The following MCF2L2 variants were observed in gnomAD, a reference collection of about 807,000 sequenced individuals.
MCF2L2 encodes the protein probable guanine nucleotide exchange factor MCF2L2.
MCF2L2 carries 102 observed loss-of-function variants against 150.2 expected under a neutral mutation model. That is an observed-to-expected ratio of 0.68 (90% CI 0.58 to 0.80). MCF2L2 has a LOEUF of 0.80. Among genes scored for constraint, MCF2L2 ranks in the 30% least tolerant of loss-of-function variants. The probability of loss-of-function intolerance (pLI) is 0.00; values close to 1 mark genes in which losing one functional copy is unlikely to be tolerated. For synonymous variants in MCF2L2, 465 were observed against 491.3 expected (o/e 0.95, Z 0.71); for missense variants, 1,256 against 1,372.8 (o/e 0.91, Z 1.34).
chr3:183,278,536 T>C (rs1301735878), intron 14 of MCF2L2, among the ~76,000 whole-genome samples: 2 of 152,202 alleles, frequency 1.3e-5, no homozygotes, highest in African/African-American at 4.8e-5. Flanking sequence ...CCTTTTGCAG[T>C]TTCTCATCTA....
intron 17 of MCF2L2, among the ~76,000 whole-genome samples, chr3:183,228,974 A>T: frequency 6.6e-6 from 1 of 152,176 alleles, no homozygotes; most frequent in East Asian, 1.9e-4. Flanking sequence ...GGGGAAATCA[A>T]CAGAAATGGG....
chr3:183,216,137 T>A (rs772201612), intron 21 of MCF2L2, 43 bp from the exon 22 acceptor site: 1 of 1,603,614 alleles, frequency 6.2e-7, no homozygotes, highest in East Asian at 2.2e-5. Context: ...AAGTATACCA[T>A]CTGCAAAGTG....
chr3:183,364,581 T>C (rs1419906904), intron 3 of MCF2L2, among the ~76,000 whole-genome samples: 2 of 151,858 alleles, frequency 1.3e-5, no homozygotes, highest in Non-Finnish European at 2.9e-5. Context: ...GAAAAACCAA[T>C]AGATCTAATT....
chr3:183,179,151 C>T lies in MCF2L2; in HGVS notation c.*229G>A. On this transcript the variant is annotated 3_prime_UTR_variant, in exon 30 of 30. Transcript: ENST00000328913. The surrounding 1 kb of genome is among the most constrained non-coding windows in gnomAD (Gnocchi z 4.2). ...GAGAAGGCGTGGGCTGCGGGCTCTG[C>T]TCGCCTCTGCAGGCGCCTTAGAGCA... 6.6e-6 allele frequency: 3 copies of T among 453,870 alleles called. No homozygotes were observed. The highest frequency in any genetic ancestry group is 8.8e-5 in the Admixed American group (2 of 22,616). The allele number at this position is 453,870 out of a possible 1,614,324, so 28.1% of individuals were successfully genotyped here. A position where few individuals can be genotyped will look rare whatever the true frequency, so the allele number is the denominator to read the frequency against.
chr3:183,343,080 T>C (rs1442838259), intron 3 of MCF2L2, among the ~76,000 whole-genome samples: 1 of 152,174 alleles, frequency 6.6e-6, no homozygotes, highest in Non-Finnish European at 1.5e-5. Context: ...GAATGTATTG[T>C]CATTAGATAT....
chr3:183,392,409 G>A (rs1179818916), intron 1 of MCF2L2, among the ~76,000 whole-genome samples: 4 of 152,156 alleles, frequency 2.6e-5, no homozygotes, highest in South Asian at 2.1e-4. Flanking sequence ...GCTGACTAGT[G>A]TCATGGGAAT....
intron 14 of MCF2L2, among the ~76,000 whole-genome samples, chr3:183,281,360 A>G (rs1014910901): frequency 7.6e-6 from 1 of 131,746 alleles, no homozygotes; most frequent in South Asian, 2.3e-4. Context: ...GGGGAACCTC[A>G]CCTTTTTTTT....
At chr3:183,331,147 G>C (rs967328177) in intron 5 of MCF2L2, among the ~76,000 whole-genome samples, 1 of 152,154 alleles carries the variant, frequency 6.6e-6, no homozygotes, top group African/African-American at 2.4e-5. Flanking sequence ...CCAGGGCCAG[G>C]TGCCATGTAA....
intron 6 of MCF2L2, among the ~76,000 whole-genome samples, chr3:183,320,854 G>C (rs1232855106): frequency 6.6e-6 from 1 of 152,106 alleles, no homozygotes; most frequent in Non-Finnish European, 1.5e-5. Context: ...AAGCTTAATC[G>C]TTTCAAGCTT....
At chr3:183,321,538 C>T (rs1025975151) in intron 6 of MCF2L2, among the ~76,000 whole-genome samples, 4 of 151,828 alleles carry the variant, frequency 2.6e-5, no homozygotes, top group Non-Finnish European at 5.9e-5. Flanking sequence ...CAGAGAGGCA[C>T]GAAGTGAGCA....
intron 15 of MCF2L2, among the ~76,000 whole-genome samples, chr3:183,245,218 A>G (rs1724195426): frequency 6.6e-6 from 1 of 152,214 alleles, no homozygotes; most frequent in African/African-American, 2.4e-5. Context: ...AACCCTGATT[A>G]ACTAACAGTT....
chr3:183,296,687 C>A (rs1169254761), intron 12 of MCF2L2: 4 of 280,202 alleles, frequency 1.4e-5, no homozygotes, highest in Non-Finnish European at 2.7e-5. Context: ...TGGAAGCATG[C>A]CTATTTTTAA....
chr3:183,296,702 C>G lies in MCF2L2; in HGVS notation c.1497+274G>C, dbSNP rs1334070205. 1.9e-5 allele frequency: 6 copies of G among 311,486 alleles called. No individual in the cohort carries two copies. In the East Asian group the frequency reaches 2.2e-4, roughly 12 times the overall value. 19.3% of individuals were successfully genotyped at this position (311,486 alleles called of 1,614,324 possible). On this transcript the variant is annotated intron_variant, in intron 12 of 29. Coordinates refer to ENST00000328913, the MANE Select transcript of MCF2L2 (RefSeq NM_015078.4). Reference sequence around the variant, plus strand: ...TGGAAGCATGCCTATTTTTAATCATCATGGTATCCTCAGCACTCAGCACAG... The same window carrying G: ...TGGAAGCATGCCTATTTTTAATCATGATGGTATCCTCAGCACTCAGCACAG...
chr3:183,261,938 T>TA (rs1160093962), intron 15 of MCF2L2, among the ~76,000 whole-genome samples: 1 of 147,456 alleles, frequency 6.8e-6, no homozygotes. Context: ...ACAACCGTTT[T>TA]AGGAGGTTTT....
chr3:183,360,494 G>T (rs1186067713), intron 3 of MCF2L2, among the ~76,000 whole-genome samples: 1 of 152,026 alleles, frequency 6.6e-6, no homozygotes, highest in Non-Finnish European at 1.5e-5. Context: ...TTGAGTCCGG[G>T]AGTTCAAGGC....
In MCF2L2 at chr3:183,289,959, T is replaced by C. The variant is rs553926442; in HGVS notation, c.1676-739A>G. Among the ~76,000 whole-genome samples, 4 of 152,364 alleles carry C rather than the reference T, an allele frequency of 2.6e-5. No individual in the cohort carries two copies. In the East Asian group the frequency reaches 7.7e-4, roughly 29 times the overall value. ...TTATGCACTGCTGCTTTGGCATGCATCATGTGTACAGCATAATGTTGCACT... is the reference window on the plus strand; with the variant it reads ...TTATGCACTGCTGCTTTGGCATGCACCATGTGTACAGCATAATGTTGCACT... On this transcript the variant is annotated intron_variant, in intron 13 of 29. Transcript: ENST00000328913.
At position 183,195,272 on chromosome 3, in the gene MCF2L2, CA is replaced by C; in HGVS notation, c.2885-18del. The C allele has an allele frequency of 3.8e-6, 6 of 1,587,020 alleles. No homozygotes were observed. Among genetic ancestry groups the C allele is most frequent in the Non-Finnish European group, 5.2e-6 (6 of 1,164,358 alleles). On this transcript the variant is annotated intron_variant, in intron 25 of 29. Coordinates refer to ENST00000328913, the MANE Select transcript of MCF2L2 (RefSeq NM_015078.4). Reference sequence around the variant, plus strand: ...TTCCTTGGTCTAAAATTTTAAAAAACAAAAAACAGCACTCTCAAATTTAAGC... The same window carrying C: ...TTCCTTGGTCTAAAATTTTAAAAAACAAAAACAGCACTCTCAAATTTAAGC...
At chr3:183,281,520 T>C (rs1459752053) in intron 14 of MCF2L2, among the ~76,000 whole-genome samples, 1 of 152,176 alleles carries the variant, frequency 6.6e-6, no homozygotes, top group African/African-American at 2.4e-5. Flanking sequence ...CCATTTTCAT[T>C]GGCCGCAAAA....
chr3:183,324,234 T>C (rs769493821), intron 5 of MCF2L2, among the ~76,000 whole-genome samples: 12 of 152,196 alleles, frequency 7.9e-5, no homozygotes, highest in Non-Finnish European at 1.6e-4. Context: ...TTTTATAAGC[T>C]AGCAGTTCCG....
Sources: gnomAD v4.1 joint callset for allele counts (sites outside exome capture counted in the v4.1 genomes callset) on GRCh38, gnomAD v4.1.1 for gene constraint, Gnocchi (gnomAD v3.1) non-coding constraint, MANE v1.5 for transcripts, NCBI Gene and HGNC (gene_info 2026-07-23, HGNC 2026-07-21) for gene names.